The following HS2ST1 variants were observed in gnomAD, a reference collection of about 807,000 sequenced individuals.
HS2ST1 encodes the protein heparan sulfate 2-O-sulfotransferase 1.
HS2ST1 carries 18 observed loss-of-function variants against 42.9 expected under a neutral mutation model. The ratio of observed to expected loss-of-function variants is 0.42; its 90% CI spans 0.29 to 0.62. The LOEUF (loss-of-function observed/expected upper bound fraction) is 0.62, where lower values mean the gene tolerates loss of function less well. Ranked by LOEUF, HS2ST1 falls within the 20% of genes least tolerant of loss-of-function variation. The probability of loss-of-function intolerance (pLI) is 0.21; values close to 1 mark genes in which losing one functional copy is unlikely to be tolerated. For missense variants in HS2ST1, 334 were observed against 433.8 expected (o/e 0.77, Z 2.04); for synonymous variants, 146 against 152.9 (o/e 0.95, Z 0.33).
intron 2 of HS2ST1, among the ~76,000 whole-genome samples, chr1:87,079,778 C>T (rs1651637207): frequency 1.3e-5 from 2 of 151,500 alleles, no homozygotes; most frequent in Non-Finnish European, 2.9e-5. Flanking sequence ...TGGCTCAGGC[C>T]TGTGAGCACT....
intron 3 of HS2ST1, 75 bp downstream of exon 3, chr1:87,084,354 T>C (rs531286350): frequency 6.1e-6 from 5 of 821,728 alleles, no homozygotes; most frequent in Admixed American, 2.5e-5. Context: ...ATTCATTAAA[T>C]TGTTATGATT....
At chr1:86,987,373 C>T (rs1648819089) in intron 1 of HS2ST1, among the ~76,000 whole-genome samples, 1 of 152,056 alleles carries the variant, frequency 6.6e-6, no homozygotes, top group Admixed American at 6.6e-5. Context: ...CATGCCTGGC[C>T]CAACTAGGGT....
chr1:87,036,866 T>A (rs1650387186), intron 1 of HS2ST1, among the ~76,000 whole-genome samples: 1 of 152,138 alleles, frequency 6.6e-6, no homozygotes, highest in Non-Finnish European at 1.5e-5. Context: ...CTGAGGGAAG[T>A]ATGTCCTTTC....
chr1:86,993,038 C>T (rs991048480), intron 1 of HS2ST1: 1 of 1,571,044 alleles, frequency 6.4e-7, no homozygotes, highest in Non-Finnish European at 8.6e-7. Flanking sequence ...ACAGAAGAGT[C>T]TTATGACTGG....
intron 1 of HS2ST1, among the ~76,000 whole-genome samples, chr1:86,979,009 G>A (rs113908207): frequency 9.3e-4 from 141 of 151,630 alleles, no homozygotes; most frequent in African/African-American, 2.8e-3. Context: ...TTACAGGCAC[G>A]CGCCACCACA....
At chr1:87,067,095 G>A (rs1651272830) in intron 1 of HS2ST1, among the ~76,000 whole-genome samples, 1 of 152,142 alleles carries the variant, frequency 6.6e-6, no homozygotes. Context: ...CCAGTAATGG[G>A]ATTGCTGGGT....
At chr1:87,046,441 TAAAG>T (rs1650668567) in intron 1 of HS2ST1, 4 of 941,104 alleles carry the variant, frequency 4.3e-6, no homozygotes, top group South Asian at 1.3e-5. Context: ...AACATTCTAA[TAAAG>T]AAGGTGACAT....
At chr1:87,046,632 C>T (rs752288292) in intron 1 of HS2ST1, 347 of 1,556,790 alleles carry the variant, frequency 2.2e-4, no homozygotes, top group Non-Finnish European at 2.9e-4. Flanking sequence ...GGAGAAGAAA[C>T]GAATGCATCA....
chr1:87,054,850 A>G (rs548809263), intron 1 of HS2ST1, among the ~76,000 whole-genome samples: 1 of 152,362 alleles, frequency 6.6e-6, no homozygotes. Context: ...TCTGCCAACC[A>G]GAAACACTCA....
chr1:87,068,938 C>T (rs1297844808), intron 1 of HS2ST1, among the ~76,000 whole-genome samples: 2 of 152,122 alleles, frequency 1.3e-5, no homozygotes, highest in African/African-American at 4.8e-5. Context: ...AGCAATCCTC[C>T]TCCCTCAACT....
At chr1:87,044,838 T>C in intron 1 of HS2ST1, 2 of 759,810 alleles carry the variant, frequency 2.6e-6, no homozygotes, top group Non-Finnish European at 4.1e-6. Context: ...GGTGTCCATT[T>C]TTTCCCCTTT....
intron 1 of HS2ST1, among the ~76,000 whole-genome samples, chr1:87,014,981 CAGTT>C (rs1217535407): frequency 6.6e-6 from 1 of 152,170 alleles, no homozygotes; most frequent in Non-Finnish European, 1.5e-5. Context: ...GAACCTTTCT[CAGTT>C]TGTTATTAAG....
At chr1:86,992,956 C>A in intron 1 of HS2ST1, 1 of 977,912 alleles carries the variant, frequency 1.0e-6, no homozygotes, top group Non-Finnish European at 1.5e-6. Context: ...CTTAGCAAGG[C>A]CTGTTTGTTC....
rs1481378341 is a variant in HS2ST1 at position 87,092,591 on chromosome 1, AG to A, written c.511del (p.Val171PhefsTer7). The A allele has an allele frequency of 6.3e-7, 1 of 1,589,810 alleles. No individual in the cohort carries two copies. The highest frequency in any genetic ancestry group is 8.6e-7 in the Non-Finnish European group (1 of 1,166,930). ...TCATAAGGGATCCTATTGAGAGGCT[AG>A]TTTCTTATTATTACTTTCTGAGATT... ...NVIRDPIERL[V>X]SYYYFLRFGD... On this transcript the variant is annotated frameshift_variant, in exon 4 of 7. Coordinates refer to ENST00000370550, the MANE Select transcript of HS2ST1 (RefSeq NM_012262.4). LOFTEE classifies it high-confidence loss of function.
chr1:86,972,542 T>C (rs1648262872), intron 1 of HS2ST1, among the ~76,000 whole-genome samples: 1 of 152,190 alleles, frequency 6.6e-6, no homozygotes, highest in South Asian at 2.1e-4. Context: ...GTTAATCTCT[T>C]ATTGTGCCTA....
At chr1:86,997,178 G>C (rs1386676171) in intron 1 of HS2ST1, among the ~76,000 whole-genome samples, 3 of 152,158 alleles carry the variant, frequency 2.0e-5, no homozygotes, top group Non-Finnish European at 4.4e-5. Flanking sequence ...CAGAGAGGCT[G>C]GTAACGGAGG....
At position 87,107,204 on chromosome 1, in the gene HS2ST1, T is replaced by C. The variant is rs1280149566; in HGVS notation, c.*2508T>C. ...ATGCCTAAAAGAGTTTATATACTTC[T>C]AAAAGCTCCTAACTTATATCCAAAG... On this transcript the variant is annotated 3_prime_UTR_variant, in exon 7 of 7. Transcript: ENST00000370550. 6.6e-6 allele frequency: 1 copy of C among 152,088 alleles called. No individual in the cohort carries two copies. The highest frequency in any genetic ancestry group is 1.5e-5 in the Non-Finnish European group (1 of 67,940). 9.4% of individuals were successfully genotyped at this position (152,088 alleles called of 1,614,324 possible). A position where few individuals can be genotyped will look rare whatever the true frequency, so the allele number is the denominator to read the frequency against.
intron 1 of HS2ST1, among the ~76,000 whole-genome samples, chr1:87,051,536 T>A (rs565731922): frequency 6.6e-6 from 1 of 152,202 alleles, no homozygotes; most frequent in Admixed American, 6.5e-5. Context: ...GTATAGTAAA[T>A]GTTCAGTAGT....
At chr1:86,916,337 A>T (rs1660157907) in intron 1 of HS2ST1, among the ~76,000 whole-genome samples, 1 of 152,224 alleles carries the variant, frequency 6.6e-6, no homozygotes. Flanking sequence ...AAAAACAAAA[A>T]ACCCTCAGCA....
Sources: gnomAD v4.1 joint callset for allele counts (sites outside exome capture counted in the v4.1 genomes callset) on GRCh38, gnomAD v4.1.1 for gene constraint, MANE v1.5 for transcripts, NCBI Gene and HGNC (gene_info 2026-07-23, HGNC 2026-07-21) for gene names.